FAM161B: variants seen among roughly 807,000 people sequenced by gnomAD.
FAM161B encodes the protein protein FAM161B.
Under a neutral mutation model 61.5 loss-of-function variants are expected in FAM161B, and 46 were observed. That is an observed-to-expected ratio of 0.75 (90% CI 0.59 to 0.96). FAM161B has a LOEUF of 0.96. FAM161B is among the 40% of genes least tolerant of loss of function. The pLI is 0.00. For synonymous variants in FAM161B, 284 were observed against 302.7 expected, an observed-to-expected ratio of 0.94 and a Z score of 0.64; for missense variants, 774 against 800.7, an observed-to-expected ratio of 0.97 and a Z score of 0.40.
chr14:73,930,532 C>CTTTTATACAAAATT (rs2055896078), downstream of FAM161B, among the ~76,000 whole-genome samples: 1 of 152,086 alleles, frequency 6.6e-6, no homozygotes, highest in Non-Finnish European at 1.5e-5. Flanking sequence ...ACATCTCAAG[C>CTTTTATACAAAATT]TGAAGAATTT....
intron 4 of FAM161B, 75 bp downstream of exon 4, chr14:73,942,294 T>G (rs2056025806): frequency 6.9e-7 from 1 of 1,453,482 alleles, no homozygotes; most frequent in Non-Finnish European, 9.3e-7. Context: ...TGAGAAGTGC[T>G]TTCCAGGAAG....
chr14:73,923,675 A>G, the FAM161B span: 1 of 1,044,438 alleles, frequency 9.6e-7, no homozygotes, highest in Non-Finnish European at 1.4e-6. Flanking sequence ...GCTTGAAAGG[A>G]GCCTGAGGGT....
At position 73,933,193 on chromosome 14, in the gene FAM161B, A is replaced by ATAT. The variant is rs1360673092; in HGVS notation, c.*1060_*1062dup. 1 of 152,216 alleles carries ATAT rather than the reference A, an allele frequency of 6.6e-6. No individual in the cohort carries two copies. Among genetic ancestry groups the ATAT allele is most frequent in the Non-Finnish European group, 1.5e-5 (1 of 68,044 alleles). The allele number at this position is 152,216 out of a possible 1,614,324, so 9.4% of individuals were successfully genotyped here. A position where few individuals can be genotyped will look rare whatever the true frequency, so the allele number is the denominator to read the frequency against. On this transcript the variant is annotated 3_prime_UTR_variant, in exon 9 of 9. Transcript: ENST00000286544. ...CAGTTTTTGCTTCATGCAGCCATTT[A>ATAT]TATTAGAGCAGTGGTTCTCAGCCAG...
intron 8 of FAM161B, 79 bp downstream of exon 8, chr14:73,935,870 T>G: frequency 1.4e-6 from 2 of 1,465,650 alleles, no homozygotes; most frequent in Non-Finnish European, 1.8e-6. Flanking sequence ...CCAGTGGCTA[T>G]TCTAAAGTTT....
intron 5 of FAM161B, among the ~76,000 whole-genome samples, chr14:73,938,640 T>C (rs1045769784): frequency 1.6e-4 from 24 of 151,314 alleles, no homozygotes; most frequent in South Asian, 8.4e-4. Flanking sequence ...GGTGCGGTGG[T>C]GGGCGCCTGT....
chr14:73,932,305 A>G lies in FAM161B; in HGVS notation c.*1951T>C. 1 of 339,132 alleles carries G rather than the reference A, an allele frequency of 2.9e-6. No homozygotes were observed. The highest frequency in any genetic ancestry group is 2.4e-5 in the South Asian group (1 of 42,234). The allele number at this position is 339,132 out of a possible 1,614,324, so 21.0% of individuals were successfully genotyped here. ...TTCTTTGGCTCTTGTTTTATACAAA[A>G]TTTGTTTTCTTAGAGATTAAGAATT... is the stretch of plus-strand genomic sequence containing the variant. On this transcript the variant is annotated 3_prime_UTR_variant, in exon 9 of 9. Coordinates refer to ENST00000286544, the MANE Select transcript of FAM161B (RefSeq NM_152445.3).
At chr14:73,923,331 A>G in the FAM161B span, 1 of 1,543,002 alleles carries the variant, frequency 6.5e-7, no homozygotes, top group East Asian at 2.3e-5. Flanking sequence ...GAGAGGCTTA[A>G]TGATCCAGAT....
At position 73,933,217 on chromosome 14, in the gene FAM161B, A is replaced by G. The variant is rs1423939526; in HGVS notation, c.*1039T>C. 6.6e-6 allele frequency: 1 copy of G among 152,246 alleles called. No individual in the cohort carries two copies. The highest frequency in any genetic ancestry group is 1.5e-5 in the Non-Finnish European group (1 of 68,064). The allele number at this position is 152,246 out of a possible 1,614,324, so 9.4% of individuals were successfully genotyped here. On this transcript the variant is annotated 3_prime_UTR_variant, in exon 9 of 9. Coordinates refer to ENST00000286544, the MANE Select transcript of FAM161B (RefSeq NM_152445.3). ...TATATTAGAGCAGTGGTTCTCAGCCAGGCACATTTTTGCCCCCTGGGGATA... is the reference window on the plus strand; with the variant it reads ...TATATTAGAGCAGTGGTTCTCAGCCGGGCACATTTTTGCCCCCTGGGGATA...
In FAM161B at chr14:73,946,585, G is replaced by A. The variant is rs1431008442; in HGVS notation, c.75C>T (p.Phe25=). 1.2e-5 allele frequency: 20 copies of A among 1,613,482 alleles called. No homozygotes were observed. Among genetic ancestry groups the A allele is most frequent in the Non-Finnish European group, 1.4e-5 (17 of 1,179,482 alleles). ...GCTCCTCTCCTGCCTCTGTGTCTGC[G>A]AAGGACTCGGGGGGAAATATCTAAA... The part of the protein sequence containing the change: ...GSRQIFPPES[F]ADTEAGEELS... The change falls in exon 2 of 9, where the codon TTC becomes TTT. Residue 25 remains phenylalanine, a synonymous_variant. Transcript: ENST00000286544.
downstream of FAM161B, among the ~76,000 whole-genome samples, chr14:73,931,056 C>T (rs1010352404): frequency 2.6e-5 from 4 of 152,168 alleles, no homozygotes; most frequent in Admixed American, 2.6e-4. Flanking sequence ...ACCCCTAGAT[C>T]TTTTATGAGT....
Position 73,944,439 on chromosome 14 carries a change from TG to T in FAM161B, c.820del (p.Gln274ArgfsTer47), listed in dbSNP as rs1357268390. The T allele has an allele frequency of 1.7e-5, 27 of 1,613,402 alleles. No individual in the cohort carries two copies. The highest frequency in any genetic ancestry group is 1.9e-5 in the Non-Finnish European group (23 of 1,179,504). On this transcript the variant is annotated frameshift_variant, in exon 3 of 9. Coordinates refer to ENST00000286544, the MANE Select transcript of FAM161B (RefSeq NM_152445.3). LOFTEE classifies it high-confidence loss of function. Reference sequence around the variant, plus strand: ...TTCAGCTGTGGCTGCCAAGTCTCTCTGTCGAGCAGCTTCCTTTAGCTGCTCC... The same window carrying T: ...TTCAGCTGTGGCTGCCAAGTCTCTCTTCGAGCAGCTTCCTTTAGCTGCTCC... ...KEEQLKEAAR[Q>X]RDLAATAEAK...
chr14:73,928,014 T>C, downstream of FAM161B: 1 of 167,772 alleles, frequency 6.0e-6, no homozygotes, highest in South Asian at 9.5e-5. Context: ...ATTTTTTGTA[T>C]TTTTGATAGA....
In FAM161B at chr14:73,932,941, T is replaced by C. The variant is rs997228131; in HGVS notation, c.*1315A>G. ...ACCGAGCCAGAATATCCAATTATTA[T>C]TGGTGAGAAGAAAATTATTCCAAAG... On this transcript the variant is annotated 3_prime_UTR_variant, in exon 9 of 9. Transcript: ENST00000286544. 3 of 152,780 alleles carry C rather than the reference T, an allele frequency of 2.0e-5. No individual in the cohort carries two copies. Among genetic ancestry groups the C allele is most frequent in the Admixed American group, 6.5e-5 (1 of 15,380 alleles). 9.5% of individuals were successfully genotyped at this position (152,780 alleles called of 1,614,324 possible).
intron 1 of FAM161B, among the ~76,000 whole-genome samples, chr14:73,949,744 A>G (rs2056114096): frequency 6.6e-6 from 1 of 152,128 alleles, no homozygotes; most frequent in Non-Finnish European, 1.5e-5. Flanking sequence ...TACTGGTCAT[A>G]GAGTACTAAG....
At chr14:73,931,327 C>T (rs17094056), downstream of FAM161B, among the ~76,000 whole-genome samples, 11,587 of 152,204 alleles carry the variant, frequency 0.076, 891 homozygotes, top group East Asian at 0.44. Flanking sequence ...AAAGTGCTGT[C>T]CCAAGGCCAC....
At chr14:73,924,228 T>C in the FAM161B span, among the ~76,000 whole-genome samples, 1 of 152,212 alleles carries the variant, frequency 6.6e-6, no homozygotes, top group African/African-American at 2.4e-5. Flanking sequence ...GTGCGCAACC[T>C]AGATCCCTCA....
chr14:73,942,751 C>G, intron 3 of FAM161B, 36 bp from the exon 4 acceptor site: 1 of 1,575,506 alleles, frequency 6.3e-7, no homozygotes, highest in Non-Finnish European at 8.7e-7. Flanking sequence ...AAGAAAGGAC[C>G]AAGCAAGAAA....
Position 73,933,301 on chromosome 14 carries a change from C to G in FAM161B, c.*955G>C, listed in dbSNP as rs1313605234. On this transcript the variant is annotated 3_prime_UTR_variant, in exon 9 of 9. Coordinates refer to ENST00000286544, the MANE Select transcript of FAM161B (RefSeq NM_152445.3). ...CTGGGGAGAGGGGTACTACTGGCAT[C>G]TAGCAGGTAGTGGCCAGGGATGCTA... The G allele has an allele frequency of 6.6e-6, 1 of 152,172 alleles. No homozygotes were observed. The highest frequency in any genetic ancestry group is 1.5e-5 in the Non-Finnish European group (1 of 68,054). The allele number at this position is 152,172 out of a possible 1,614,324, so 9.4% of individuals were successfully genotyped here.
At chr14:73,923,462 C>A in the FAM161B span, 1 of 1,614,016 alleles carries the variant, frequency 6.2e-7, no homozygotes. Context: ...ACCTGGTGAC[C>A]ATGCAGTCAG....
Sources: gnomAD v4.1 joint callset for allele counts (sites outside exome capture counted in the v4.1 genomes callset) on GRCh38, gnomAD v4.1.1 for gene constraint, MANE v1.5 for transcripts, NCBI Gene and HGNC (gene_info 2026-07-23, HGNC 2026-07-21) for gene names.